TBC1D19: variants seen among roughly 807,000 people sequenced by gnomAD.
The protein encoded by TBC1D19 is TBC1 domain family, member 19.
In TBC1D19, 60 loss-of-function variants were observed where a neutral mutation model predicts 89.0. The ratio of observed to expected loss-of-function variants is 0.67; its 90% CI spans 0.55 to 0.84. TBC1D19 has a LOEUF of 0.84. Ranked by LOEUF, TBC1D19 falls within the 40% of genes least tolerant of loss-of-function variation. The pLI, the probability that TBC1D19 is intolerant of heterozygous loss-of-function variation, is 0.00. For synonymous variants in TBC1D19, 189 were observed against 199.7 expected, an observed-to-expected ratio of 0.95 and a Z score of 0.45; for missense variants, 500 against 610.8, an observed-to-expected ratio of 0.82 and a Z score of 1.91.
chr4:26,655,110 G>C (rs2109058964), intron 7 of TBC1D19, among the ~76,000 whole-genome samples: 1 of 152,326 alleles, frequency 6.6e-6, no homozygotes, highest in East Asian at 1.9e-4. Flanking sequence ...CTCAGCTGCA[G>C]GTCTGTTGGA....
intron 1 of TBC1D19, among the ~76,000 whole-genome samples, chr4:26,593,127 G>C (rs1739936776): frequency 6.6e-6 from 1 of 152,174 alleles, no homozygotes; most frequent in African/African-American, 2.4e-5. Context: ...CATGGTACTG[G>C]TACCAAAACA....
At chr4:26,815,212 A>G in the TBC1D19 span, among the ~76,000 whole-genome samples, 1 of 152,202 alleles carries the variant, frequency 6.6e-6, no homozygotes, top group Non-Finnish European at 1.5e-5. Flanking sequence ...AAAAATCCAG[A>G]TCAACTTTTT....
intron 9 of TBC1D19, among the ~76,000 whole-genome samples, chr4:26,671,344 A>G (rs1712286788): frequency 6.6e-6 from 1 of 151,722 alleles, no homozygotes; most frequent in Non-Finnish European, 1.5e-5. Flanking sequence ...TTTTGTGAAG[A>G]GCCTCTATTT....
rs1739912154 is a variant in TBC1D19, at chr4:26,592,842, T to C, written c.99+8550T>C. Among the ~76,000 whole-genome samples, 9 of 152,150 alleles carry C rather than the reference T, an allele frequency of 5.9e-5. 1 individual carries two copies. In the South Asian group the frequency reaches 1.9e-3, roughly 32 times the overall value. ...CACTGCTCAATGAAATAAAAGAGGA[T>C]ACAAACAGATGGAAGAACATTCCAT... On this transcript the variant is annotated intron_variant, in intron 1 of 20. Coordinates refer to ENST00000264866, the MANE Select transcript of TBC1D19 (RefSeq NM_018317.4).
chr4:26,717,602 T>TTAG (rs760527142), intron 13 of TBC1D19, among the ~76,000 whole-genome samples: 20 of 152,190 alleles, frequency 1.3e-4, no homozygotes, highest in Admixed American at 4.6e-4. Context: ...GTCACAATAG[T>TTAG]TACTCAGGGT....
intron 15 of TBC1D19, among the ~76,000 whole-genome samples, chr4:26,730,248 G>T (rs1275934588): frequency 6.6e-6 from 1 of 152,058 alleles, no homozygotes; most frequent in Non-Finnish European, 1.5e-5. Flanking sequence ...TTGGTCTCTG[G>T]ATATAGAGAT....
chr4:26,706,137 A>G (rs1262155907), intron 13 of TBC1D19, among the ~76,000 whole-genome samples: 1 of 152,170 alleles, frequency 6.6e-6, no homozygotes, highest in Non-Finnish European at 1.5e-5. Flanking sequence ...GTTTAGTAGA[A>G]TTAACCAGTG....
chr4:26,655,287 G>T (rs1369495092), intron 7 of TBC1D19, among the ~76,000 whole-genome samples: 1 of 152,210 alleles, frequency 6.6e-6, no homozygotes, highest in Non-Finnish European at 1.5e-5. Context: ...CCCCTACTGG[G>T]GCGTGCCTCC....
At position 26,605,739 on chromosome 4, in the gene TBC1D19, C is replaced by T. The variant is rs556222870; in HGVS notation, c.100-7430C>T. Among the ~76,000 whole-genome samples the T allele has an allele frequency of 5.1e-4, 77 of 152,206 alleles. 1 individual carries two copies. The highest frequency in any genetic ancestry group is 7.8e-4 in the Admixed American group (12 of 15,298). On this transcript the variant is annotated intron_variant, in intron 1 of 20. Coordinates refer to ENST00000264866, the MANE Select transcript of TBC1D19 (RefSeq NM_018317.4). The stretch of plus-strand genomic sequence containing the variant: ...TGTTGTTTCCTGACTTTTTAATGAT[C>T]GCCATTCTAACTGGTGTGAGATGGT...
chr4:26,778,309 G>A, the TBC1D19 span, among the ~76,000 whole-genome samples: 15 of 152,050 alleles, frequency 9.9e-5, no homozygotes, highest in East Asian at 2.1e-3. Flanking sequence ...CCAGCTACTC[G>A]GGAGGCTGAG....
At chr4:26,597,685 T>G (rs958201744) in intron 1 of TBC1D19, among the ~76,000 whole-genome samples, 20 of 152,210 alleles carry the variant, frequency 1.3e-4, no homozygotes, top group Non-Finnish European at 1.5e-5. Context: ...TTAAATAGTC[T>G]TTTAATTGTA....
At chr4:26,740,682 T>C (rs1482144300) in intron 17 of TBC1D19, 5 of 985,412 alleles carry the variant, frequency 5.1e-6, no homozygotes, top group East Asian at 1.1e-4. Flanking sequence ...ATTTCAGTTA[T>C]GCTTTTTTTC....
chr4:26,857,809 A>T, the TBC1D19 span: 2 of 152,404 alleles, frequency 1.3e-5, no homozygotes, highest in Non-Finnish European at 2.9e-5. Context: ...GGAGATAGGG[A>T]GCCCGACATT....
At chr4:26,823,161 A>G in the TBC1D19 span, among the ~76,000 whole-genome samples, 53 of 152,346 alleles carry the variant, frequency 3.5e-4, no homozygotes, top group South Asian at 1.4e-3. Context: ...ATGGATGGCA[A>G]CAGGCAAACA....
At chr4:26,677,344 A>T (rs1254276478) in intron 11 of TBC1D19, among the ~76,000 whole-genome samples, 2 of 150,492 alleles carry the variant, frequency 1.3e-5, no homozygotes, top group Non-Finnish European at 3.0e-5. Context: ...TTTGAGACGA[A>T]GTCTCACTCT....
the TBC1D19 span, among the ~76,000 whole-genome samples, chr4:26,857,478 T>TC: frequency 1.3e-5 from 2 of 152,094 alleles, no homozygotes; most frequent in African/African-American, 4.8e-5. Context: ...CTTCTATACC[T>TC]CCACCCCTAC....
chr4:26,621,334 G>A (rs557676104), intron 4 of TBC1D19, among the ~76,000 whole-genome samples: 2 of 152,118 alleles, frequency 1.3e-5, no homozygotes, highest in African/African-American at 2.4e-5. Context: ...AGTCCTGTCC[G>A]TAAGCCTTCC....
the TBC1D19 span, among the ~76,000 whole-genome samples, chr4:26,795,607 T>C: frequency 6.6e-6 from 1 of 152,154 alleles, no homozygotes; most frequent in African/African-American, 2.4e-5. Flanking sequence ...ATGGCTCTTC[T>C]CTAGGAAAGT....
chr4:26,691,481 A>G (rs558508532), intron 13 of TBC1D19, among the ~76,000 whole-genome samples: 35 of 152,326 alleles, frequency 2.3e-4, no homozygotes, highest in Admixed American at 1.2e-3. Context: ...AGCTGCCCCA[A>G]TGTTCAGCAG....
Sources: allele counts gnomAD v4.1 joint callset (sites outside exome capture counted in the v4.1 genomes callset), GRCh38; gene constraint gnomAD v4.1.1; transcripts MANE v1.5; gene names NCBI Gene and HGNC (gene_info 2026-07-23, HGNC 2026-07-21).